The following GFPT1 variants were observed in gnomAD, a reference collection of about 807,000 sequenced individuals.
The protein encoded by GFPT1 is glutamine--fructose-6-phosphate transaminase 1.
In GFPT1, 40 loss-of-function variants were observed where a neutral mutation model predicts 92.0. The ratio of observed to expected loss-of-function variants is 0.43; its 90% CI spans 0.34 to 0.57. The LOEUF is 0.57. GFPT1 is among the 20% of genes least tolerant of loss of function. The pLI is 0.02. For synonymous variants in GFPT1, 269 were observed against 280.6 expected (o/e 0.96, Z 0.41); for missense variants, 448 against 869.1 (o/e 0.52, Z 6.09).
chr2:69,370,002 G>C lies in GFPT1; in HGVS notation c.222C>G (p.His74Gln), dbSNP rs148703894. The C allele has an allele frequency of 6.6e-5, 101 of 1,522,316 alleles. No homozygotes were observed. In the South Asian group the frequency reaches 1.1e-3, roughly 16 times the overall value. 94.3% of individuals were successfully genotyped at this position (1,522,316 alleles called of 1,614,324 possible). ...CAAAAATCAAATTAAGTACGTTACT[G>C]TGAACTTCTTCATCCAGTGCCTTAA... Reference protein sequence around the residue: ...GKVKALDEEVHKQQDMDLDIE... With the variant: ...GKVKALDEEVQKQQDMDLDIE... Residue 74 changes from histidine (H) to glutamine (Q), a missense_variant and splice_region_variant, in exon 3 of 20, where the codon CAC (histidine) becomes CAG (glutamine). Coordinates refer to ENST00000357308, the MANE Select transcript of GFPT1 (RefSeq NM_001244710.2).
intron 12 of GFPT1, among the ~76,000 whole-genome samples, chr2:69,342,850 AGAG>A (rs1351476722): frequency 6.6e-5 from 10 of 152,206 alleles, no homozygotes; most frequent in Non-Finnish European, 1.3e-4. Flanking sequence ...GGTGCTCTGT[AGAG>A]TAACATAAAC....
intron 4 of GFPT1, among the ~76,000 whole-genome samples, chr2:69,362,540 G>A (rs1195756045): frequency 1.3e-5 from 2 of 152,124 alleles, no homozygotes; most frequent in East Asian, 1.9e-4. Context: ...GCTCACTCCT[G>A]TAATCCCAGC....
chr2:69,354,941 T>G (rs55836650), intron 7 of GFPT1, among the ~76,000 whole-genome samples: 2 of 152,052 alleles, frequency 1.3e-5, no homozygotes, highest in African/African-American at 4.8e-5. Flanking sequence ...GAGGTGAAGG[T>G]TGGAGTGAGC....
chr2:69,374,362 G>A (rs1166560602), intron 1 of GFPT1, among the ~76,000 whole-genome samples: 4 of 149,126 alleles, frequency 2.7e-5, no homozygotes, highest in African/African-American at 1.0e-4. Context: ...CACGCAGGAT[G>A]GAGTCCAGCA....
chr2:69,356,395 G>C, intron 7 of GFPT1, 101 bp downstream of exon 7: 3 of 847,440 alleles, frequency 3.5e-6, no homozygotes, highest in Non-Finnish European at 6.2e-6. Context: ...TCTAATAAAG[G>C]GCAGAGCCTT....
intron 13 of GFPT1, among the ~76,000 whole-genome samples, chr2:69,339,708 T>C (rs2104619365): frequency 6.6e-6 from 1 of 152,314 alleles, no homozygotes; most frequent in South Asian, 2.1e-4. Context: ...CCTTATTTCA[T>C]AGCCCTTAAC....
chr2:69,374,888 G>A (rs957518914), intron 1 of GFPT1, among the ~76,000 whole-genome samples: 47 of 152,166 alleles, frequency 3.1e-4, no homozygotes, highest in African/African-American at 1.0e-3. Flanking sequence ...AAATAATTAC[G>A]TAAAATAGTA....
intron 11 of GFPT1, among the ~76,000 whole-genome samples, chr2:69,346,489 C>G (rs1389488045): frequency 1.3e-5 from 2 of 152,154 alleles, no homozygotes; most frequent in Admixed American, 1.3e-4. Flanking sequence ...CCAACCACCT[C>G]GGCCTCCCAA....
At chr2:69,383,737 T>C (rs566488365) in intron 1 of GFPT1, among the ~76,000 whole-genome samples, 102 of 152,322 alleles carry the variant, frequency 6.7e-4, no homozygotes, top group Non-Finnish European at 1.1e-3. Context: ...GAGATTCTCC[T>C]GCCTCGGGCT....
At chr2:69,371,639 C>T (rs1405895295) in intron 2 of GFPT1, among the ~76,000 whole-genome samples, 1 of 150,528 alleles carries the variant, frequency 6.6e-6, no homozygotes, top group African/African-American at 2.4e-5. Flanking sequence ...AGATCGAGAC[C>T]ATCCTGGCTA....
chr2:69,342,342 A>T, intron 12 of GFPT1, 93 bp from the exon 13 acceptor site: 2 of 789,540 alleles, frequency 2.5e-6, no homozygotes, highest in Admixed American at 3.6e-5. Context: ...AATATGAGGA[A>T]GAATACTGCT....
At chr2:69,344,484 C>T (rs927727463) in intron 12 of GFPT1, among the ~76,000 whole-genome samples, 5 of 151,986 alleles carry the variant, frequency 3.3e-5, no homozygotes, top group African/African-American at 4.8e-5. Context: ...ATGGAGAGCA[C>T]TTAGAACAAT....
chr2:69,359,390 T>C, intron 4 of GFPT1, 64 bp from the exon 5 acceptor site: 2 of 827,890 alleles, frequency 2.4e-6, no homozygotes, highest in Non-Finnish European at 2.1e-6. Flanking sequence ...AAATAGCTAT[T>C]ACTCTAACTG....
rs1288153797 is a variant in GFPT1 at position 69,337,890 on chromosome 2, G to C, written c.1482+8C>G. On this transcript the variant is annotated splice_region_variant and intron_variant, in intron 15 of 19. Transcript: ENST00000357308. Reference sequence around the variant, plus strand: ...AATAATCATCAGAGAAATGAGTCAAGAATTTACCTTTGTACTGGCCACACC... The same window carrying C: ...AATAATCATCAGAGAAATGAGTCAACAATTTACCTTTGTACTGGCCACACC... The C allele has an allele frequency of 6.2e-7, 1 of 1,610,740 alleles. No homozygotes were observed. Among genetic ancestry groups the C allele is most frequent in the South Asian group, 1.1e-5 (1 of 91,000 alleles).
intron 15 of GFPT1, among the ~76,000 whole-genome samples, chr2:69,331,734 G>GT (rs1190566204): frequency 1.6e-5 from 2 of 124,172 alleles, no homozygotes; most frequent in Non-Finnish European, 3.5e-5. Context: ...TAATTTTATG[G>GT]TTTTTTTCAC....
chr2:69,367,392 ACT>A (rs1278027081), intron 3 of GFPT1, among the ~76,000 whole-genome samples: 1 of 151,824 alleles, frequency 6.6e-6, no homozygotes, highest in African/African-American at 2.4e-5. Context: ...ACGGAGTCTC[ACT>A]CTGTCACCCA....
In GFPT1 at chr2:69,326,013, G is replaced by A. The variant is rs1428235397; in HGVS notation, c.*176C>T. 5.6e-5 allele frequency: 32 copies of A among 569,778 alleles called. 1 individual carries two copies. Among genetic ancestry groups the A allele is most frequent in the Middle Eastern group, 9.2e-4 (2 of 2,182 alleles). 35.3% of individuals were successfully genotyped at this position (569,778 alleles called of 1,614,324 possible). On this transcript the variant is annotated 3_prime_UTR_variant, in exon 20 of 20. Transcript: ENST00000357308. ...GTCCTCCACAAATTACTGGGAAAAT[G>A]TAAGAGGTAACTTCACAAAAATCAC...
intron 10 of GFPT1, among the ~76,000 whole-genome samples, 180 bp from the exon 11 acceptor site, chr2:69,348,514 G>A (rs1243466364): frequency 6.6e-6 from 1 of 152,168 alleles, no homozygotes; most frequent in Non-Finnish European, 1.5e-5. Context: ...GGTGGTCATT[G>A]TGGACAAAAA....
At chr2:69,381,269 C>T (rs1247939022) in intron 1 of GFPT1, among the ~76,000 whole-genome samples, 4 of 152,192 alleles carry the variant, frequency 2.6e-5, no homozygotes, top group African/African-American at 9.7e-5. Flanking sequence ...AGGCGTGAGC[C>T]ACTGCGCCTG....
Sources: gnomAD v4.1 joint callset for allele counts (sites outside exome capture counted in the v4.1 genomes callset) on GRCh38, gnomAD v4.1.1 for gene constraint, MANE v1.5 for transcripts, NCBI Gene and HGNC (gene_info 2026-07-23, HGNC 2026-07-21) for gene names.